Variants in SDK1 observed in about 807,000 individuals in gnomAD.
SDK1 encodes protein sidekick-1.
SDK1 carries 157 observed loss-of-function variants against 245.5 expected under a neutral mutation model. The ratio of observed to expected loss-of-function variants is 0.64; its 90% CI spans 0.56 to 0.73. SDK1 has a LOEUF of 0.73. SDK1 is among the 30% of genes least tolerant of loss of function. The pLI is 0.00. For synonymous variants in SDK1, 1,647 were observed against 1,278.5 expected, an observed-to-expected ratio of 1.29 and a Z score of -6.15; for missense variants, 3,583 against 3,002.3, an observed-to-expected ratio of 1.19 and a Z score of -4.52.
chr7:3,955,576 A>C (rs1279041826), intron 7 of SDK1, among the ~76,000 whole-genome samples: 1 of 152,220 alleles, frequency 6.6e-6, no homozygotes, highest in Non-Finnish European at 1.5e-5. Context: ...ACTAGCGTGC[A>C]GTGCAGGCCA....
At chr7:3,325,489 A>C (rs1391276314) in intron 1 of SDK1, among the ~76,000 whole-genome samples, 3 of 152,140 alleles carry the variant, frequency 2.0e-5, no homozygotes, top group Non-Finnish European at 4.4e-5. Flanking sequence ...CGTGGCACTT[A>C]AGATTCTTTT....
chr7:3,496,228 C>T (rs1364476554), intron 1 of SDK1, among the ~76,000 whole-genome samples: 2 of 152,034 alleles, frequency 1.3e-5, no homozygotes, highest in East Asian at 1.9e-4. Context: ...GCTGGAGGGT[C>T]AGATAAGTTA....
At chr7:4,169,017 T>C (rs1042385982) in intron 32 of SDK1, among the ~76,000 whole-genome samples, 1 of 152,138 alleles carries the variant, frequency 6.6e-6, no homozygotes, top group African/African-American at 2.4e-5. Flanking sequence ...GCTCTCTGGG[T>C]GCGCAGGCAT....
intron 1 of SDK1, among the ~76,000 whole-genome samples, chr7:3,479,209 G>T (rs1265889386): frequency 1.3e-5 from 2 of 151,926 alleles, no homozygotes; most frequent in African/African-American, 4.8e-5. Flanking sequence ...ATCACTTGAG[G>T]TCAGGAGTTC....
At chr7:4,033,945 G>C (rs1045808959) in intron 17 of SDK1, among the ~76,000 whole-genome samples, 1 of 152,158 alleles carries the variant, frequency 6.6e-6, no homozygotes, top group African/African-American at 2.4e-5. Flanking sequence ...CACAAAGTAT[G>C]TATACATCAC....
intron 5 of SDK1, among the ~76,000 whole-genome samples, chr7:3,862,647 A>G (rs913531929): frequency 6.6e-6 from 1 of 151,988 alleles, no homozygotes; most frequent in Non-Finnish European, 1.5e-5. Flanking sequence ...CCTTATTTTC[A>G]CTTCAAATGT....
chr7:3,357,328 G>GGTTTTTTTTTTTTTTTTTT (rs1780827489), intron 1 of SDK1, among the ~76,000 whole-genome samples: 1 of 52,904 alleles, frequency 1.9e-5, no homozygotes, highest in African/African-American at 7.3e-5. Flanking sequence ...TTCTTTTAGT[G>GGTTTTTTTTTTTTTTTTTT]TTTTTTTTTT....
Position 4,041,800 on chromosome 7 carries a change from A to T in SDK1, c.2603-7548A>T, listed in dbSNP as rs1436668850. 1.5e-5 allele frequency among the ~76,000 whole-genome samples: 2 copies of T among 136,220 alleles called. 1 individual carries two copies. Among genetic ancestry groups the T allele is most frequent in the African/African-American group, 6.7e-5 (2 of 29,678 alleles). 89.4% of individuals were successfully genotyped at this position (136,220 alleles called of 152,430 possible). The stretch of plus-strand genomic sequence containing the variant: ...TATAGTGAAAACAGCATGAAATGTA[A>T]CTTCAACAGCTGCAATTTTTTTTTT... On this transcript the variant is annotated intron_variant, in intron 17 of 44. Transcript: ENST00000404826.
chr7:3,488,367 T>C (rs1386418003), intron 1 of SDK1, among the ~76,000 whole-genome samples: 1 of 152,242 alleles, frequency 6.6e-6, no homozygotes, highest in African/African-American at 2.4e-5. Context: ...TGTAATTGCT[T>C]GTTTGGCTTC....
At chr7:3,575,074 C>G (rs1050523384) in intron 1 of SDK1, among the ~76,000 whole-genome samples, 2 of 152,024 alleles carry the variant, frequency 1.3e-5, no homozygotes, top group African/African-American at 4.8e-5. Flanking sequence ...AAGACAGATT[C>G]TTACGTTGAA....
intron 32 of SDK1, among the ~76,000 whole-genome samples, chr7:4,172,593 C>T (rs1018857864): frequency 4.6e-5 from 7 of 152,086 alleles, no homozygotes; most frequent in African/African-American, 4.8e-5. Flanking sequence ...TGTTATTTAC[C>T]GGGGGCAGCA....
chr7:3,815,640 G>A (rs1178363977), intron 4 of SDK1, among the ~76,000 whole-genome samples: 1 of 146,046 alleles, frequency 6.8e-6, no homozygotes, highest in African/African-American at 2.8e-5. Context: ...AAATGAGTTA[G>A]GGAGGATTCC....
chr7:4,258,006 G>A (rs185484367), intron 44 of SDK1, among the ~76,000 whole-genome samples: 4 of 152,184 alleles, frequency 2.6e-5, no homozygotes, highest in Non-Finnish European at 5.9e-5. Context: ...GAATCACTGC[G>A]AGTTGGACGA....
chr7:3,715,403 A>G (rs1419171482), intron 4 of SDK1, among the ~76,000 whole-genome samples: 1 of 152,194 alleles, frequency 6.6e-6, no homozygotes, highest in Non-Finnish European at 1.5e-5. Flanking sequence ...AGGTGGCACT[A>G]GTCAAGACTG....
At chr7:3,792,304 GACTC>G (rs1247535410) in intron 4 of SDK1, among the ~76,000 whole-genome samples, 1 of 151,960 alleles carries the variant, frequency 6.6e-6, no homozygotes, top group Admixed American at 6.6e-5. Flanking sequence ...CTTCACCACA[GACTC>G]AACTGCATGT....
chr7:3,942,131 C>T (rs1051496899), intron 5 of SDK1, among the ~76,000 whole-genome samples: 1 of 152,138 alleles, frequency 6.6e-6, no homozygotes, highest in Non-Finnish European at 1.5e-5. Flanking sequence ...TGGTCTCGAT[C>T]TCCTGACCTC....
intron 14 of SDK1, among the ~76,000 whole-genome samples, chr7:4,010,526 C>T (rs1001372569): frequency 5.9e-5 from 9 of 152,212 alleles, no homozygotes; most frequent in Non-Finnish European, 1.2e-4. Context: ...CTTTATCATG[C>T]TCATTTCCTC....
At chr7:4,010,857 T>A in intron 14 of SDK1, 109 bp from the exon 15 acceptor site, 1 of 1,119,766 alleles carries the variant, frequency 8.9e-7, no homozygotes, top group Non-Finnish European at 1.3e-6. Flanking sequence ...CTCCTAGAGC[T>A]GTCCTGCTAA....
chr7:4,238,633 C>T (rs1439659195), intron 42 of SDK1, among the ~76,000 whole-genome samples: 1 of 151,444 alleles, frequency 6.6e-6, no homozygotes, highest in Non-Finnish European at 1.5e-5. Flanking sequence ...ACTGCAACCT[C>T]CACCTCCTGG....
Sources: allele counts gnomAD v4.1 joint callset (sites outside exome capture counted in the v4.1 genomes callset), GRCh38; gene constraint gnomAD v4.1.1; transcripts MANE v1.5; gene names NCBI Gene and HGNC (gene_info 2026-07-23, HGNC 2026-07-21).